The following CD99L2 variants were observed in gnomAD, a reference collection of about 807,000 sequenced individuals.
The protein encoded by CD99L2 is CD99 molecule like 2, also known as CD99 antigen-like protein 2.
In CD99L2, 24 loss-of-function variants were observed where a neutral mutation model predicts 27.3. The observed-to-expected ratio is 0.88, with a 90% CI of 0.64 to 1.24. The LOEUF (loss-of-function observed/expected upper bound fraction) is 1.24, where lower values mean the gene tolerates loss of function less well. Ranked by LOEUF, CD99L2 falls within the 50% of genes most tolerant of loss-of-function variation. The pLI is 0.00. For missense variants in CD99L2, 255 were observed against 221.6 expected (o/e 1.15, Z -0.96); for synonymous variants, 97 against 87.9 (o/e 1.10, Z -0.58).
At chrX:150,815,346 G>A (rs2046137107) in intron 3 of CD99L2, among the ~76,000 whole-genome samples, 1 of 111,851 alleles carries the variant, frequency 8.9e-6, no homozygotes, top group African/African-American at 3.2e-5. Context: ...ATGTGGAAAT[G>A]TGAAGAAATG....
In CD99L2 at chrX:150,842,119, AC is replaced by A. The variant is rs2046631137; in HGVS notation, c.68-10827del. Reference sequence around the variant, plus strand: ...AAGTATTCAGCAGAAAATTACTTCCACCGCAGAGGGCCACCAAGAATTCCTT... The same window carrying A: ...AAGTATTCAGCAGAAAATTACTTCCACGCAGAGGGCCACCAAGAATTCCTT... On this transcript the variant is annotated intron_variant, in intron 1 of 10. Transcript: ENST00000370377. Among the ~76,000 whole-genome samples the A allele has an allele frequency of 4.5e-5, 5 of 111,821 alleles. No homozygotes were observed. The South Asian group carries it at 1.9e-3, about 43-fold the overall frequency.
At chrX:150,800,335 T>C (rs2045883985) in intron 4 of CD99L2, among the ~76,000 whole-genome samples, 1 of 111,808 alleles carries the variant, frequency 8.9e-6, no homozygotes, top group Admixed American at 9.5e-5. Flanking sequence ...TGAATACCGA[T>C]GATCCTCCAT....
intron 9 of CD99L2, 132 bp downstream of exon 9, chrX:150,776,042 C>T: frequency 1.1e-6 from 1 of 884,176 alleles, no homozygotes; most frequent in Non-Finnish European, 1.6e-6. Context: ...GTTGCCTCCA[C>T]CCCCGTCCCA....
intron 4 of CD99L2, among the ~76,000 whole-genome samples, chrX:150,810,448 T>G (rs1256058137): frequency 9.0e-6 from 1 of 111,568 alleles, no homozygotes; most frequent in African/African-American, 3.3e-5. Context: ...GCAACAGCCA[T>G]GTTTAGAAGC....
chrX:150,851,117 G>A (rs1426268528), intron 1 of CD99L2, among the ~76,000 whole-genome samples: 3 of 111,805 alleles, frequency 2.7e-5, no homozygotes, highest in Non-Finnish European at 5.6e-5. Context: ...AGGATTATAG[G>A]TGTGAGCCAC....
At chrX:150,791,508 A>T (rs2045687298) in intron 7 of CD99L2, among the ~76,000 whole-genome samples, 1 of 111,622 alleles carries the variant, frequency 9.0e-6, no homozygotes, top group South Asian at 3.8e-4. Flanking sequence ...GGTGATCATC[A>T]AAGTCAAATG....
chrX:150,780,685 A>G (rs2045496317), intron 7 of CD99L2, among the ~76,000 whole-genome samples: 1 of 104,792 alleles, frequency 9.5e-6, no homozygotes, highest in Non-Finnish European at 2.0e-5. Context: ...AGACCCCAGT[A>G]AAAAAAAAAA....
At chrX:150,851,666 C>T (rs782152410) in intron 1 of CD99L2, among the ~76,000 whole-genome samples, 3 of 112,237 alleles carry the variant, frequency 2.7e-5, no homozygotes, top group Non-Finnish European at 5.6e-5. Context: ...GGGGCACCAG[C>T]AGGCTGTGTT....
chrX:150,773,173 G>C (rs1394687865), intron 9 of CD99L2, among the ~76,000 whole-genome samples: 5 of 112,286 alleles, frequency 4.5e-5, no homozygotes, highest in African/African-American at 1.3e-4. Context: ...TTTAATTCCA[G>C]AGCAGAAGGA....
At position 150,887,390 on chromosome X, in the gene CD99L2, G is replaced by A. The variant is rs782071876; in HGVS notation, c.67+11132C>T. On this transcript the variant is annotated intron_variant, in intron 1 of 10. Coordinates refer to ENST00000370377, the MANE Select transcript of CD99L2 (RefSeq NM_031462.4). ...GAGCCCGGGAGGCGGAGGTTGCAGC[G>A]AGCTGAGAGTGCGCCACTGCACTTC... Among the ~76,000 whole-genome samples, 18 of 109,293 alleles carry A rather than the reference G, an allele frequency of 1.6e-4. No individual in the cohort carries two copies. The East Asian group carries it at 4.0e-3, about 24-fold the overall frequency. The allele number at this position is 109,293 out of a possible 115,157, so 94.9% of individuals were successfully genotyped here.
At chrX:150,838,460 G>A (rs1282960897) in intron 1 of CD99L2, among the ~76,000 whole-genome samples, 2 of 111,371 alleles carry the variant, frequency 1.8e-5, no homozygotes, top group Admixed American at 9.6e-5. Flanking sequence ...TGAAGCATAT[G>A]GGAACTCTGT....
At chrX:150,885,545 T>C (rs1289070415) in intron 1 of CD99L2, among the ~76,000 whole-genome samples, 1 of 112,492 alleles carries the variant, frequency 8.9e-6, no homozygotes, top group African/African-American at 3.2e-5. Flanking sequence ...TATTCTAACA[T>C]GCTAACAGTG....
At chrX:150,771,156 T>C (rs1204719509) in intron 9 of CD99L2, among the ~76,000 whole-genome samples, 1 of 111,668 alleles carries the variant, frequency 9.0e-6, no homozygotes, top group East Asian at 2.8e-4. Context: ...CCCGGGTCTG[T>C]GGGAAAACTG....
At chrX:150,817,938 C>G (rs1557420571) in intron 2 of CD99L2, among the ~76,000 whole-genome samples, 1 of 110,137 alleles carries the variant, frequency 9.1e-6, no homozygotes, top group African/African-American at 3.3e-5. Flanking sequence ...AGAGCTGGAG[C>G]AGCTATACTA....
At chrX:150,775,852 G>T (rs781876723) in intron 9 of CD99L2, among the ~76,000 whole-genome samples, 1 of 112,189 alleles carries the variant, frequency 8.9e-6, no homozygotes, top group African/African-American at 3.2e-5. Context: ...GCAGTCCAGG[G>T]TCCCTCCCAT....
intron 7 of CD99L2, among the ~76,000 whole-genome samples, chrX:150,791,674 C>T (rs1212761444): frequency 9.9e-5 from 11 of 110,798 alleles, no homozygotes; most frequent in Admixed American, 9.6e-4. Context: ...CTATGGAAAG[C>T]AGTCTGTTGG....
intron 4 of CD99L2, 44 bp from the exon 5 acceptor site, chrX:150,795,530 C>A (rs1557419888): frequency 8.7e-7 from 1 of 1,149,031 alleles, no homozygotes; most frequent in Admixed American, 2.2e-5. Flanking sequence ...CATTTAGGAA[C>A]AAAATGCAGC....
At chrX:150,891,895 G>A (rs1557422836) in intron 1 of CD99L2, among the ~76,000 whole-genome samples, 1 of 112,020 alleles carries the variant, frequency 8.9e-6, no homozygotes, top group Non-Finnish European at 1.9e-5. Context: ...AAGAGCAGAA[G>A]AGGAATAACA....
At position 150,795,412 on chromosome X, in the gene CD99L2, C is replaced by T. The variant is rs782102821; in HGVS notation, c.346+6G>A. The T allele has an allele frequency of 8.3e-7, 1 of 1,209,736 alleles. No homozygotes were observed. Among genetic ancestry groups the T allele is most frequent in the Non-Finnish European group, 1.1e-6 (1 of 895,099 alleles). ...CTTACTACTCTCCTCAGAGCGGCCA[C>T]CTTACCTAAAGTATTTGCTGGAGCT... is the stretch of plus-strand genomic sequence containing the variant. On this transcript the variant is annotated splice_donor_region_variant and intron_variant, in intron 5 of 10. Transcript: ENST00000370377.
Sources: gnomAD v4.1 joint callset for allele counts (sites outside exome capture counted in the v4.1 genomes callset) on GRCh38, gnomAD v4.1.1 for gene constraint, MANE v1.5 for transcripts, NCBI Gene and HGNC (gene_info 2026-07-23, HGNC 2026-07-21) for gene names.